The following BCR variants were observed in gnomAD, a reference collection of about 807,000 sequenced individuals.
BCR encodes BCR activator of RhoGEF and GTPase, also known as breakpoint cluster region protein.
BCR carries 58 observed loss-of-function variants against 138.6 expected under a neutral mutation model. The ratio of observed to expected loss-of-function variants is 0.42; its 90% CI spans 0.34 to 0.52. BCR has a LOEUF of 0.52. Among genes scored for constraint, BCR ranks in the 20% least tolerant of loss-of-function variants. The pLI is 0.06. For synonymous variants in BCR, 786 were observed against 730.1 expected (o/e 1.08, Z -1.23); for missense variants, 1,599 against 1,727.2 (o/e 0.93, Z 1.32).
At chr22:23,308,355 G>C (rs2073970932) in intron 16 of BCR, among the ~76,000 whole-genome samples, 1 of 152,054 alleles carries the variant, frequency 6.6e-6, no homozygotes, top group Admixed American at 6.5e-5. Flanking sequence ...GCCCAGGCTG[G>C]AGTGCAGTGG....
chr22:23,182,321 T>C, intron 1 of BCR, 82 bp downstream of exon 1: 1 of 1,411,016 alleles, frequency 7.1e-7, no homozygotes, highest in Non-Finnish European at 9.3e-7. Flanking sequence ...AAAACAGAAG[T>C]TGGGAGGGAG....
chr22:23,246,826 C>T (rs1024287405), intron 1 of BCR, among the ~76,000 whole-genome samples: 5 of 152,186 alleles, frequency 3.3e-5, no homozygotes, highest in African/African-American at 4.8e-5. Context: ...GAACTTACCT[C>T]CCTGAAGCAC....
intron 1 of BCR, among the ~76,000 whole-genome samples, chr22:23,229,869 T>A (rs2072935863): frequency 6.6e-6 from 1 of 152,174 alleles, no homozygotes; most frequent in African/African-American, 2.4e-5. Flanking sequence ...GGCGCTTGGT[T>A]AGTGTAGAGT....
chr22:23,221,865 G>A (rs1249508270), intron 1 of BCR, among the ~76,000 whole-genome samples: 1 of 152,150 alleles, frequency 6.6e-6, no homozygotes, highest in Admixed American at 6.5e-5. Context: ...GCCGAGGCAG[G>A]CAGAATCTGA....
At chr22:23,201,977 T>C (rs577940802) in intron 1 of BCR, among the ~76,000 whole-genome samples, 9 of 152,350 alleles carry the variant, frequency 5.9e-5, no homozygotes, top group African/African-American at 2.2e-4. Context: ...ATCTTTTTTA[T>C]ATAGTTAAGA....
chr22:23,198,289 T>A (rs1442124373), intron 1 of BCR: 1 of 448,736 alleles, frequency 2.2e-6, no homozygotes, highest in East Asian at 7.2e-5. Flanking sequence ...GCCTGCTCTG[T>A]TCCGGGGCAG....
intron 8 of BCR, among the ~76,000 whole-genome samples, chr22:23,282,447 G>T (rs186831730): frequency 6.6e-6 from 1 of 152,226 alleles, no homozygotes; most frequent in East Asian, 1.9e-4. Context: ...CGCAAGAGCC[G>T]GCTGCCTGTC....
chr22:23,294,792 T>A (rs1401466559), intron 15 of BCR, among the ~76,000 whole-genome samples: 1 of 152,086 alleles, frequency 6.6e-6, no homozygotes, highest in Non-Finnish European at 1.5e-5. Context: ...TTGGATTAAG[T>A]TTGAAAGGCA....
chr22:23,182,273 T>C (rs1601983584), intron 1 of BCR, 34 bp downstream of exon 1: 4 of 1,500,252 alleles, frequency 2.7e-6, no homozygotes, highest in Non-Finnish European at 3.6e-6. Flanking sequence ...TGGGCACACC[T>C]GCACGGGGGA....
intron 4 of BCR, chr22:23,262,876 G>T (rs962029881): frequency 1.4e-5 from 15 of 1,059,998 alleles, no homozygotes; most frequent in Non-Finnish European, 1.7e-5. Flanking sequence ...GGCGAAGGAG[G>T]CAGCGGGCCG....
intron 10 of BCR, among the ~76,000 whole-genome samples, chr22:23,286,022 C>T (rs1602104993): frequency 6.6e-6 from 1 of 152,332 alleles, no homozygotes; most frequent in Non-Finnish European, 1.5e-5. Context: ...AGGCTGCGTC[C>T]TTTGCCGTGT....
intron 18 of BCR, among the ~76,000 whole-genome samples, chr22:23,310,726 C>T (rs1487351040): frequency 5.9e-5 from 9 of 152,320 alleles, no homozygotes; most frequent in East Asian, 5.8e-4. Flanking sequence ...GTTGAATGGC[C>T]GTAACCCCTG....
chr22:23,192,108 C>T (rs1331806472), intron 1 of BCR, among the ~76,000 whole-genome samples: 5 of 152,280 alleles, frequency 3.3e-5, no homozygotes. Flanking sequence ...GTGTGAAGAC[C>T]GGACACCCCA....
intron 1 of BCR, among the ~76,000 whole-genome samples, chr22:23,184,943 C>A (rs993498576): frequency 6.6e-6 from 1 of 152,064 alleles, no homozygotes; most frequent in Non-Finnish European, 1.5e-5. Flanking sequence ...AGGAAGTCAC[C>A]CTAATGCTCC....
chr22:23,263,849 T>C, intron 4 of BCR: 2 of 1,038,276 alleles, frequency 1.9e-6, no homozygotes, highest in Non-Finnish European at 3.1e-6. Context: ...CCATCCAGAC[T>C]GAAGACCAAA....
chr22:23,304,982 G>A (rs965048807), intron 16 of BCR, among the ~76,000 whole-genome samples: 3 of 152,188 alleles, frequency 2.0e-5, no homozygotes, highest in Non-Finnish European at 4.4e-5. Context: ...GGGCATGGTG[G>A]CAGGTGCCTG....
chr22:23,289,365 G>A, intron 12 of BCR, 152 bp from the exon 13 acceptor site: 1 of 648,274 alleles, frequency 1.5e-6, no homozygotes, highest in Non-Finnish European at 2.7e-6. Flanking sequence ...CACTGCACTT[G>A]AGAGCCAAGT....
chr22:23,242,687 G>A (rs2073106859), intron 1 of BCR: 1 of 272,736 alleles, frequency 3.7e-6, no homozygotes, highest in Non-Finnish European at 7.5e-6. Flanking sequence ...GCCCTCTCCT[G>A]GGGGCTGGGT....
rs1375235497 is a variant in BCR, at chr22:23,181,234, G to C, written c.274G>C (p.Ala92Pro). 3.2e-6 allele frequency: 4 copies of C among 1,234,692 alleles called. No homozygotes were observed. The highest frequency in any genetic ancestry group is 6.9e-5 in the South Asian group (2 of 29,086). The allele number at this position is 1,234,692 out of a possible 1,614,324, so 76.5% of individuals were successfully genotyped here. Reference sequence around the variant, plus strand: ...CCCCGACGGCGCCTCCGAGCCCCGAGCGTCCGCGTCGCGCCCGCAGCCAGC... The same window carrying C: ...CCCCGACGGCGCCTCCGAGCCCCGACCGTCCGCGTCGCGCCCGCAGCCAGC... The part of the protein sequence containing the change: ...QAPDGASEPR[A>P]SASRPQPAPA... The change falls in exon 1 of 23, where the codon GCG becomes CCG. Residue 92 changes from alanine to proline, a missense_variant. Physicochemically the swap from Ala to Pro is conservative, Grantham distance 27. Transcript: ENST00000305877.
Sources: gnomAD v4.1 joint callset for allele counts (sites outside exome capture counted in the v4.1 genomes callset) on GRCh38, gnomAD v4.1.1 for gene constraint, MANE v1.5 for transcripts, NCBI Gene and HGNC (gene_info 2026-07-23, HGNC 2026-07-21) for gene names.